Variants in REEP1 observed in about 807,000 individuals in gnomAD.
The protein encoded by REEP1 is receptor accessory protein 1.
A neutral mutation model predicts 40.3 loss-of-function variants in REEP1; 22 were observed. The observed-to-expected ratio is 0.55, with a 90% CI of 0.39 to 0.78. REEP1 has a LOEUF of 0.78. Ranked by LOEUF, REEP1 falls within the 30% of genes least tolerant of loss-of-function variation. The probability of loss-of-function intolerance (pLI) is 0.00; values close to 1 mark genes in which losing one functional copy is unlikely to be tolerated. For missense variants in REEP1, 280 were observed against 361.1 expected, an observed-to-expected ratio of 0.78 and a Z score of 1.82; for synonymous variants, 116 against 139.2, an observed-to-expected ratio of 0.83 and a Z score of 1.17.
intron 1 of REEP1, among the ~76,000 whole-genome samples, chr2:86,294,723 T>TCAGATAGA (rs142324349): frequency 1.3e-5 from 2 of 148,866 alleles, no homozygotes; most frequent in Non-Finnish European, 3.0e-5. Flanking sequence ...GATTTATATT[T>TCAGATAGA]TAGATAGATA....
chr2:86,251,477 G>A lies in REEP1; in HGVS notation c.417+480C>T, dbSNP rs117760928. ...CTGGGTTCCTTCCCCTGGATCTGCT[G>A]GGCCACATGATCGTGAGTGAGTCCA... On this transcript the variant is annotated intron_variant, in intron 5 of 8. Transcript: ENST00000538924. 9.7e-4 allele frequency: 192 copies of A among 197,724 alleles called. No individual in the cohort carries two copies. The East Asian group carries it at 0.02, about 21-fold the overall frequency. 12.2% of individuals were successfully genotyped at this position (197,724 alleles called of 1,614,324 possible).
intron 6 of REEP1, among the ~76,000 whole-genome samples, chr2:86,230,800 G>A (rs544490149): frequency 3.3e-5 from 5 of 152,246 alleles, no homozygotes; most frequent in South Asian, 2.1e-4. Flanking sequence ...TAAATAGCTC[G>A]CCCGGGTCAT....
chr2:86,220,197 G>A (rs770965000), intron 7 of REEP1, 76 bp from the exon 8 acceptor site: 1 of 1,017,832 alleles, frequency 9.8e-7, no homozygotes, highest in East Asian at 3.3e-5. Flanking sequence ...GCAGGGAAGG[G>A]CAAGGTTAGG....
At chr2:86,330,770 A>C (rs1680729858) in intron 1 of REEP1, among the ~76,000 whole-genome samples, 1 of 152,122 alleles carries the variant, frequency 6.6e-6, no homozygotes, top group Non-Finnish European at 1.5e-5. Flanking sequence ...TATAACGATA[A>C]GACAAAGGAA....
chr2:86,255,201 G>A (rs1676489413), intron 3 of REEP1, among the ~76,000 whole-genome samples: 1 of 152,112 alleles, frequency 6.6e-6, no homozygotes, highest in South Asian at 2.1e-4. Flanking sequence ...TGTACACCCA[G>A]TCACTCACTC....
intron 1 of REEP1, among the ~76,000 whole-genome samples, chr2:86,321,567 C>T (rs534984687): frequency 3.4e-4 from 51 of 152,196 alleles, no homozygotes; most frequent in African/African-American, 1.0e-3. Context: ...ATTAGCAAAT[C>T]GCCTCCAGGA....
chr2:86,228,890 G>A (rs1002088058), intron 6 of REEP1, among the ~76,000 whole-genome samples: 9 of 152,184 alleles, frequency 5.9e-5, no homozygotes, highest in African/African-American at 1.4e-4. Context: ...TATAAACTCC[G>A]TATTGTTACT....
chr2:86,273,014 C>T (rs954615054), intron 2 of REEP1, among the ~76,000 whole-genome samples: 3 of 151,982 alleles, frequency 2.0e-5, no homozygotes, highest in Non-Finnish European at 4.4e-5. Context: ...GTCACAGCTA[C>T]CAGGGTGGCT....
intron 1 of REEP1, among the ~76,000 whole-genome samples, chr2:86,294,675 T>C (rs1678888116): frequency 6.6e-6 from 1 of 152,190 alleles, no homozygotes; most frequent in South Asian, 2.1e-4. Flanking sequence ...CTGTATATTA[T>C]GTTCTATTAA....
At chr2:86,218,004 G>A (rs889489971) in intron 8 of REEP1, among the ~76,000 whole-genome samples, 3 of 152,062 alleles carry the variant, frequency 2.0e-5, no homozygotes, top group African/African-American at 4.8e-5. Flanking sequence ...CTTGGCCCCC[G>A]TGTCTGTCCA....
chr2:86,246,007 G>A (rs980612250), intron 5 of REEP1, among the ~76,000 whole-genome samples: 56 of 152,104 alleles, frequency 3.7e-4, no homozygotes, highest in East Asian at 1.7e-3. Context: ...CTCGTGATCC[G>A]CCCGCCTTGG....
intron 1 of REEP1, among the ~76,000 whole-genome samples, chr2:86,298,516 A>G (rs1327221477): frequency 6.6e-6 from 1 of 152,152 alleles, no homozygotes; most frequent in African/African-American, 2.4e-5. Flanking sequence ...CACCGTGTCG[A>G]GTTCTGGGGT....
At chr2:86,246,385 C>T (rs1675956490) in intron 5 of REEP1, among the ~76,000 whole-genome samples, 1 of 152,172 alleles carries the variant, frequency 6.6e-6, no homozygotes, top group Non-Finnish European at 1.5e-5. Flanking sequence ...AGAAGAATCC[C>T]TAATTCACAG....
chr2:86,229,195 G>A (rs1304508878), intron 6 of REEP1, among the ~76,000 whole-genome samples: 3 of 152,208 alleles, frequency 2.0e-5, no homozygotes, highest in African/African-American at 4.8e-5. Flanking sequence ...AAAGCCTGAG[G>A]GAATCAGGTC....
chr2:86,328,143 C>T (rs1481414365), intron 1 of REEP1, among the ~76,000 whole-genome samples: 1 of 152,176 alleles, frequency 6.6e-6, no homozygotes. Context: ...ACTCGTGGTT[C>T]TCAGCTTCAG....
intron 1 of REEP1, among the ~76,000 whole-genome samples, chr2:86,335,510 C>T (rs1680974472): frequency 6.6e-6 from 1 of 152,080 alleles, no homozygotes; most frequent in South Asian, 2.1e-4. Context: ...GAGACACCTC[C>T]CAAATATATG....
chr2:86,242,270 C>A (rs920002889), intron 5 of REEP1, among the ~76,000 whole-genome samples: 2 of 152,190 alleles, frequency 1.3e-5, no homozygotes, highest in African/African-American at 2.4e-5. Flanking sequence ...GACTTTTAAA[C>A]CTGGTCTGCT....
intron 5 of REEP1, among the ~76,000 whole-genome samples, chr2:86,249,239 G>A (rs13401290): frequency 0.04 from 6,039 of 149,754 alleles, 421 homozygotes; most frequent in African/African-American, 0.14. Context: ...CAGCCTAGGC[G>A]ACAGAGCAAG....
intron 5 of REEP1, chr2:86,240,122 T>C (rs1675593788): frequency 6.6e-6 from 1 of 152,540 alleles, no homozygotes; most frequent in Non-Finnish European, 1.5e-5. Context: ...GGCAATAAAA[T>C]GGAGTTGAAG....
Sources: gnomAD v4.1 joint callset for allele counts (sites outside exome capture counted in the v4.1 genomes callset) on GRCh38, gnomAD v4.1.1 for gene constraint, MANE v1.5 for transcripts, NCBI Gene and HGNC (gene_info 2026-07-23, HGNC 2026-07-21) for gene names.